The following GRK7 variants were observed in gnomAD, a reference collection of about 807,000 sequenced individuals.
The protein encoded by GRK7 is G protein-coupled receptor kinase 7.
GRK7 carries 24 observed loss-of-function variants against 34.1 expected under a neutral mutation model. The ratio of observed to expected loss-of-function variants is 0.70; its 90% CI spans 0.51 to 0.99. GRK7 has a LOEUF of 0.99. Ranked by LOEUF, GRK7 falls within the 50% of genes least tolerant of loss-of-function variation. The probability of loss-of-function intolerance (pLI) is 0.00; values close to 1 mark genes in which losing one functional copy is unlikely to be tolerated. For synonymous variants in GRK7, 256 were observed against 279.4 expected (o/e 0.92, Z 0.84); for missense variants, 644 against 707.3 (o/e 0.91, Z 1.02).
At chr3:141,756,772 T>A in the GRK7 span, among the ~76,000 whole-genome samples, 1 of 152,210 alleles carries the variant, frequency 6.6e-6, no homozygotes. Context: ...TTAATGGTGT[T>A]CCATTTGTCT....
At chr3:141,752,365 G>A in the GRK7 span, among the ~76,000 whole-genome samples, 7 of 152,310 alleles carry the variant, frequency 4.6e-5, no homozygotes, top group Middle Eastern at 3.4e-3. Flanking sequence ...TGTCCACAAC[G>A]TAGTGGAGGT....
upstream of GRK7, among the ~76,000 whole-genome samples, chr3:141,762,435 G>A (rs1384209346): frequency 6.8e-6 from 1 of 147,986 alleles, no homozygotes; most frequent in Non-Finnish European, 1.5e-5. Flanking sequence ...TCGGGGGTCA[G>A]GGGTCAGGGA....
At chr3:141,808,516 C>A (rs1223669253) in intron 5 of GRK7, among the ~76,000 whole-genome samples, 1 of 152,080 alleles carries the variant, frequency 6.6e-6, no homozygotes, top group African/African-American at 2.4e-5. Flanking sequence ...AGTTCAAGAC[C>A]AGCCTGGCCA....
chr3:141,770,985 AC>A (rs1246298103), intron 1 of GRK7, among the ~76,000 whole-genome samples: 8 of 122,122 alleles, frequency 6.6e-5, no homozygotes, highest in South Asian at 3.0e-4. Flanking sequence ...ACTGAGTGAT[AC>A]CCAGTCTCAA....
At chr3:141,815,699 C>CTGTGTGTGTGTGTGTGTGTG (rs61336912) in intron 5 of GRK7, among the ~76,000 whole-genome samples, 1 of 145,912 alleles carries the variant, frequency 6.9e-6, no homozygotes, top group Non-Finnish European at 1.5e-5. Context: ...CTATTTTGAG[C>CTGTGTGTGTGTGTGTGTGTG]TGTGTGTGTG....
At chr3:141,805,076 A>G (rs1034727066) in intron 4 of GRK7, among the ~76,000 whole-genome samples, 1 of 148,490 alleles carries the variant, frequency 6.7e-6, no homozygotes, top group Non-Finnish European at 1.5e-5. Context: ...ACACACACAC[A>G]CGCACATACA....
At chr3:141,782,781 G>A (rs1427947233) in intron 4 of GRK7, among the ~76,000 whole-genome samples, 5 of 150,666 alleles carry the variant, frequency 3.3e-5, no homozygotes, top group Admixed American at 6.7e-5. Context: ...CTCTAGCCTG[G>A]GCTACAAAGC....
chr3:141,789,626 G>A (rs2084713541), intron 4 of GRK7, among the ~76,000 whole-genome samples: 1 of 141,950 alleles, frequency 7.0e-6, no homozygotes, highest in South Asian at 2.2e-4. Context: ...AAATCACAAT[G>A]CAAAAGATGG....
chr3:141,789,965 A>C (rs573391433), intron 4 of GRK7, among the ~76,000 whole-genome samples: 4 of 152,232 alleles, frequency 2.6e-5, no homozygotes, highest in Non-Finnish European at 4.4e-5. Flanking sequence ...ACTCCATCTT[A>C]TTGAGTTCAT....
rs1283230771 is a variant in GRK7, at chr3:141,792,706, T to C, written c.1050+11895T>C. On this transcript the variant is annotated intron_variant, in intron 4 of 5. Coordinates refer to ENST00000682958, the MANE Select transcript of GRK7 (RefSeq NM_139209.3). ...TTGTGAAATATGTGTTTGGTCTTCA[T>C]CCCATTTTCTGGCATACAACTCCAA... Among the ~76,000 whole-genome samples the C allele has an allele frequency of 2.6e-5, 4 of 152,180 alleles. No individual in the cohort carries two copies. The East Asian group carries it at 7.7e-4, about 29-fold the overall frequency.
At chr3:141,789,482 A>G (rs909586465) in intron 4 of GRK7, among the ~76,000 whole-genome samples, 51 of 152,092 alleles carry the variant, frequency 3.4e-4, no homozygotes, top group African/African-American at 1.2e-3. Flanking sequence ...TCACTGGACA[A>G]CTCAGGTCAC....
chr3:141,793,417 T>C (rs2084734989), intron 4 of GRK7, among the ~76,000 whole-genome samples: 1 of 152,146 alleles, frequency 6.6e-6, no homozygotes, highest in Non-Finnish European at 1.5e-5. Flanking sequence ...CTGGTTTGTG[T>C]TTTGAGAGTA....
rs529355227 is a variant in GRK7, at chr3:141,796,397, A to T, written c.1051-11248A>T. Among the ~76,000 whole-genome samples, 37 of 152,334 alleles carry T rather than the reference A, an allele frequency of 2.4e-4. No homozygotes were observed. The South Asian group carries it at 7.2e-3, about 30-fold the overall frequency. ...ATAAATGCCTAGCCGAGGGTCAGCC[A>T]CTTGGTAGGCACTCAAGAAATGATT... On this transcript the variant is annotated intron_variant, in intron 4 of 5. Transcript: ENST00000682958.
intron 4 of GRK7, among the ~76,000 whole-genome samples, chr3:141,790,126 C>G (rs117071461): frequency 0.019 from 2,928 of 152,158 alleles, 55 homozygotes; most frequent in East Asian, 0.089. Flanking sequence ...CTCAGCCTGC[C>G]GTGTAGCTGG....
chr3:141,779,626 C>A (rs1189108704), intron 3 of GRK7, among the ~76,000 whole-genome samples: 5 of 152,258 alleles, frequency 3.3e-5, no homozygotes, highest in East Asian at 3.9e-4. Flanking sequence ...GGGTAAGCAA[C>A]ACCTCAATCT....
rs1413770937 is a variant in GRK7 at position 141,780,436 on chromosome 3, G to A, written c.675G>A (p.Lys225=). 6.2e-7 allele frequency: 1 copy of A among 1,614,108 alleles called. No individual in the cohort carries two copies. Among genetic ancestry groups the A allele is most frequent in the East Asian group, 2.2e-5 (1 of 44,902 alleles). ...KMYACKKLDK[K]RLKKKGGEKM... ...ATGCCTGTAAGAAACTGGACAAGAA[G>A]CGGCTGAAGAAGAAAGGTGGCGAGA... The change falls in exon 4 of 6, where the codon AAG becomes AAA. Residue 225 remains lysine, a synonymous_variant. Transcript: ENST00000682958.
intron 4 of GRK7, among the ~76,000 whole-genome samples, chr3:141,806,179 A>G (rs1487487147): frequency 1.3e-5 from 2 of 152,166 alleles, no homozygotes; most frequent in Non-Finnish European, 2.9e-5. Flanking sequence ...TCTTTGAGGT[A>G]CATACTCCAC....
intron 4 of GRK7, among the ~76,000 whole-genome samples, chr3:141,781,863 G>A: frequency 6.6e-6 from 1 of 152,224 alleles, no homozygotes; most frequent in East Asian, 1.9e-4. Context: ...TTACCTCTGA[G>A]TCTCTGTGCA....
Position 141,796,170 on chromosome 3 carries a change from T to C in GRK7, c.1051-11475T>C, listed in dbSNP as rs149739849. 2.6e-3 allele frequency among the ~76,000 whole-genome samples: 390 copies of C among 152,210 alleles called. 1 individual carries two copies. Among genetic ancestry groups the C allele is most frequent in the African/African-American group, 8.3e-3 (343 of 41,532 alleles). Reference sequence around the variant, plus strand: ...CAGATGTGCAGGCTGACTCCCTGCATGGGAGAGTGGGGGCTGACGTCACAT... The same window carrying C: ...CAGATGTGCAGGCTGACTCCCTGCACGGGAGAGTGGGGGCTGACGTCACAT... On this transcript the variant is annotated intron_variant, in intron 4 of 5. Transcript: ENST00000682958.
Sources: allele counts gnomAD v4.1 joint callset (sites outside exome capture counted in the v4.1 genomes callset), GRCh38; gene constraint gnomAD v4.1.1; transcripts MANE v1.5; gene names NCBI Gene and HGNC (gene_info 2026-07-23, HGNC 2026-07-21).